SPOPL: variants seen among roughly 807,000 people sequenced by gnomAD.
SPOPL encodes the protein speckle-type POZ protein-like.
In SPOPL, 23 loss-of-function variants were observed where a neutral mutation model predicts 53.8. The observed-to-expected ratio is 0.43, with a 90% CI of 0.31 to 0.61. The LOEUF is 0.61. Among genes scored for constraint, SPOPL ranks in the 20% least tolerant of loss-of-function variants. The pLI is 0.12. For synonymous variants in SPOPL, 164 were observed against 149.7 expected (o/e 1.10, Z -0.70); for missense variants, 442 against 466.9 (o/e 0.95, Z 0.49).
chr2:138,542,789 TG>T (rs1326304769), intron 1 of SPOPL, among the ~76,000 whole-genome samples: 2 of 152,206 alleles, frequency 1.3e-5, no homozygotes, highest in African/African-American at 4.8e-5. Context: ...TGATGTTAGC[TG>T]GTTATTTTGC....
chr2:138,529,506 G>GTGCC (rs1216559820), intron 1 of SPOPL, among the ~76,000 whole-genome samples: 25 of 47,218 alleles, frequency 5.3e-4, no homozygotes, highest in African/African-American at 8.6e-4. Flanking sequence ...GCCTGTGTGT[G>GTGCC]TGTGTGTGTG....
intron 1 of SPOPL, among the ~76,000 whole-genome samples, chr2:138,525,508 AT>A (rs1184910154): frequency 6.6e-6 from 1 of 151,968 alleles, no homozygotes; most frequent in Non-Finnish European, 1.5e-5. Context: ...TTCCTACTTA[AT>A]AGTGCTTTTT....
intron 8 of SPOPL, chr2:138,564,323 T>G (rs2104905648): frequency 5.7e-6 from 1 of 176,028 alleles, no homozygotes; most frequent in Non-Finnish European, 1.2e-5. Flanking sequence ...TAAATACGAT[T>G]TATTTAACGT....
intron 1 of SPOPL, among the ~76,000 whole-genome samples, chr2:138,546,372 A>G (rs1047979180): frequency 2.0e-5 from 3 of 152,182 alleles, no homozygotes; most frequent in African/African-American, 7.2e-5. Flanking sequence ...CCTCTCTGCA[A>G]CCTTTTTCTG....
intron 1 of SPOPL, among the ~76,000 whole-genome samples, chr2:138,533,257 A>C (rs1684850701): frequency 2.0e-5 from 3 of 152,178 alleles, no homozygotes; most frequent in Admixed American, 6.5e-5. Context: ...AGCTCTTGTT[A>C]TTAAAGTCTA....
At chr2:138,526,753 G>A (rs1038162579) in intron 1 of SPOPL, among the ~76,000 whole-genome samples, 4 of 144,110 alleles carry the variant, frequency 2.8e-5, no homozygotes, top group Non-Finnish European at 4.5e-5. Context: ...TTGAGACAGC[G>A]TCTCACTCTG....
chr2:138,506,259 CT>C (rs1398619492), intron 1 of SPOPL, among the ~76,000 whole-genome samples: 1 of 152,172 alleles, frequency 6.6e-6, no homozygotes, highest in Non-Finnish European at 1.5e-5. Flanking sequence ...TCTATTCATT[CT>C]GGTATTTAGT....
intron 1 of SPOPL, among the ~76,000 whole-genome samples, chr2:138,512,672 C>G (rs1486607423): frequency 1.3e-5 from 2 of 152,120 alleles, no homozygotes; most frequent in Non-Finnish European, 2.9e-5. Context: ...GGGTTAAGAC[C>G]TTCCTTTGAA....
chr2:138,520,693 G>A (rs1016678214), intron 1 of SPOPL, among the ~76,000 whole-genome samples: 8 of 152,182 alleles, frequency 5.3e-5, no homozygotes, highest in African/African-American at 1.9e-4. Flanking sequence ...GAGAGAAAGA[G>A]AGTGAACAAA....
intron 10 of SPOPL, among the ~76,000 whole-genome samples, chr2:138,565,812 C>T (rs548956026): frequency 6.6e-6 from 1 of 151,232 alleles, no homozygotes; most frequent in African/African-American, 2.4e-5. Flanking sequence ...CGGCTCACTG[C>T]GAGCTCCACC....
intron 1 of SPOPL, among the ~76,000 whole-genome samples, chr2:138,516,293 G>A (rs1480291553): frequency 1.3e-5 from 2 of 152,132 alleles, no homozygotes; most frequent in African/African-American, 4.8e-5. Flanking sequence ...GAGGTTTGAC[G>A]AGGAAGGAAG....
chr2:138,529,498 CTGTG>C (rs58483992), intron 1 of SPOPL, among the ~76,000 whole-genome samples: 8,591 of 147,650 alleles, frequency 0.058, 546 homozygotes, highest in East Asian at 0.16. Flanking sequence ...ATGCATGTGC[CTGTG>C]TGTGTGTGTG....
intron 1 of SPOPL, among the ~76,000 whole-genome samples, chr2:138,522,181 G>A (rs1165044224): frequency 6.6e-6 from 1 of 152,138 alleles, no homozygotes; most frequent in Non-Finnish European, 1.5e-5. Context: ...AAAACAGAAA[G>A]CCTTAAGGTC....
chr2:138,509,053 A>G (rs1684273179), intron 1 of SPOPL, among the ~76,000 whole-genome samples: 2 of 152,158 alleles, frequency 1.3e-5, no homozygotes, highest in African/African-American at 2.4e-5. Context: ...TAAACTTTAC[A>G]TAGGTAAAAG....
rs1045624503 is a variant in SPOPL at position 138,573,053 on chromosome 2, C to A, written c.*3973C>A. ...TGCAAAAATTATTTAAAAATTAGTT[C>A]TTGGGGAAATTGATTTTCAAGATTC... On this transcript the variant is annotated 3_prime_UTR_variant, in exon 11 of 11. Transcript: ENST00000280098. The A allele has an allele frequency of 2.0e-5, 3 of 151,904 alleles. No individual in the cohort carries two copies. The highest frequency in any genetic ancestry group is 6.6e-5 in the Admixed American group (1 of 15,232). 9.4% of individuals were successfully genotyped at this position (151,904 alleles called of 1,614,324 possible). A position where few individuals can be genotyped will look rare whatever the true frequency, so the allele number is the denominator to read the frequency against.
Position 138,535,942 on chromosome 2 carries a change from AT to A in SPOPL, c.-60-14214del, listed in dbSNP as rs1404608047. On this transcript the variant is annotated intron_variant, in intron 1 of 10. Transcript: ENST00000280098. ...TCTAGTGAATTTTCATTTCAGTTAT[AT>A]GGTTCAGCTCCAGAATTTTTATTTG... is the stretch of plus-strand genomic sequence containing the variant. 1.3e-4 allele frequency among the ~76,000 whole-genome samples: 20 copies of A among 152,084 alleles called. 1 individual carries two copies. Among genetic ancestry groups the A allele is most frequent in the Admixed American group, 1.2e-3 (18 of 15,262 alleles).
rs1685749010 is a variant in SPOPL, at chr2:138,570,072, C to T, written c.*992C>T. On this transcript the variant is annotated 3_prime_UTR_variant, in exon 11 of 11. Transcript: ENST00000280098. ...TGTTTGTGATAATAGATGAGAAAGA[C>T]ATCCTTGATTGTAGTTAAATTGGTT... 2 of 152,428 alleles carry T rather than the reference C, an allele frequency of 1.3e-5. No individual in the cohort carries two copies. Among genetic ancestry groups the T allele is most frequent in the South Asian group, 2.1e-4 (1 of 4,826 alleles). The allele number at this position is 152,428 out of a possible 1,614,324, so 9.4% of individuals were successfully genotyped here.
At chr2:138,568,001 G>A (rs191117290) in intron 10 of SPOPL, among the ~76,000 whole-genome samples, 8 of 152,182 alleles carry the variant, frequency 5.3e-5, no homozygotes, top group African/African-American at 1.7e-4. Context: ...GAAGTGGGGG[G>A]TAGAGTAAGA....
intron 1 of SPOPL, among the ~76,000 whole-genome samples, chr2:138,529,754 CA>C (rs1173190612): frequency 6.6e-6 from 1 of 152,134 alleles, no homozygotes; most frequent in Non-Finnish European, 1.5e-5. Flanking sequence ...CCACAAAAAG[CA>C]GCATTGGGAT....
Sources: allele counts gnomAD v4.1 joint callset (sites outside exome capture counted in the v4.1 genomes callset), GRCh38; gene constraint gnomAD v4.1.1; transcripts MANE v1.5; gene names NCBI Gene and HGNC (gene_info 2026-07-23, HGNC 2026-07-21).